The following HLA-F variants were observed in gnomAD, a reference collection of about 807,000 sequenced individuals.
The protein encoded by HLA-F is major histocompatibility complex, class I, F, also known as HLA class I histocompatibility antigen, alpha chain F.
Under a neutral mutation model 49.5 loss-of-function variants are expected in HLA-F, and 46 were observed. The observed-to-expected ratio is 0.93, with a 90% CI of 0.73 to 1.19. The LOEUF is 1.19. Among genes scored for constraint, HLA-F ranks in the 50% most tolerant of loss-of-function variants. The pLI is 0.00. For synonymous variants in HLA-F, 203 were observed against 233.5 expected (o/e 0.87, Z 1.19); for missense variants, 496 against 579.6 (o/e 0.86, Z 1.48).
At chr6:29,726,759 CAG>C (rs1776136330) in intron 6 of HLA-F, 122 bp from the exon 7 acceptor site, 1 of 1,230,280 alleles carries the variant, frequency 8.1e-7, no homozygotes, top group Non-Finnish European at 1.2e-6. Flanking sequence ...CAGACTGAAT[CAG>C]AGTGTTGACT....
At chr6:29,734,815 C>T (rs1427875855) in intron 3 of HLA-F, among the ~76,000 whole-genome samples, 2 of 152,140 alleles carry the variant, frequency 1.3e-5, no homozygotes, top group Non-Finnish European at 2.9e-5. Context: ...TAAGCAGTCA[C>T]CCTCCATTTC....
chr6:29,724,166 C>T lies in HLA-F; in HGVS notation c.335-7C>T, dbSNP rs754226812. ...GCTGGGCGGGGCTGACTGCGGGGAC[C>T]GGCTAGGGTCTCACACCCTCCAGGG... On this transcript the variant is annotated splice_region_variant and splice_polypyrimidine_tract_variant and intron_variant, in intron 2 of 6. Coordinates refer to ENST00000259951, the MANE Select transcript of HLA-F (RefSeq NM_001098479.2). 6 of 1,612,578 alleles carry T rather than the reference C, an allele frequency of 3.7e-6. No individual in the cohort carries two copies. The Admixed American group carries it at 5.0e-5, about 13-fold the overall frequency.
At chr6:29,734,184 C>T (rs543213274) in intron 3 of HLA-F, among the ~76,000 whole-genome samples, 80 of 152,284 alleles carry the variant, frequency 5.3e-4, no homozygotes, top group Middle Eastern at 3.4e-3. Flanking sequence ...CTCCTTCCTT[C>T]AGCTGGGGGA....
chr6:29,727,462 A>G (rs980237047), downstream of HLA-F, among the ~76,000 whole-genome samples: 3 of 152,090 alleles, frequency 2.0e-5, no homozygotes, highest in Non-Finnish European at 4.4e-5. Flanking sequence ...TTAGAATGGC[A>G]TTACCTGTTT....
chr6:29,737,517 A>G (rs186813240), intron 3 of HLA-F, among the ~76,000 whole-genome samples: 1,869 of 152,322 alleles, frequency 0.012, 18 homozygotes, highest in Admixed American at 0.022. Context: ...TATTTGAAGA[A>G]GAGAAGAGTT....
In HLA-F at chr6:29,724,170, T is replaced by C; in HGVS notation, c.335-3T>C. Reference sequence around the variant, plus strand: ...GGCGGGGCTGACTGCGGGGACCGGCTAGGGTCTCACACCCTCCAGGGAATG... The same window carrying C: ...GGCGGGGCTGACTGCGGGGACCGGCCAGGGTCTCACACCCTCCAGGGAATG... On this transcript the variant is annotated splice_region_variant and splice_polypyrimidine_tract_variant and intron_variant, in intron 2 of 6. Transcript: ENST00000259951. 1.9e-6 allele frequency: 3 copies of C among 1,612,742 alleles called. No individual in the cohort carries two copies. Among genetic ancestry groups the C allele is most frequent in the Non-Finnish European group, 2.5e-6 (3 of 1,179,880 alleles).
At chr6:29,736,576 T>C (rs1777117180) in intron 3 of HLA-F, 1 of 347,440 alleles carries the variant, frequency 2.9e-6, no homozygotes, top group East Asian at 8.5e-5. Flanking sequence ...CTCAGGTAAA[T>C]AGCAGCCACA....
At chr6:29,736,377 T>C in intron 3 of HLA-F, 1 of 453,226 alleles carries the variant, frequency 2.2e-6, no homozygotes, top group Non-Finnish European at 4.4e-6. Context: ...ATTTATTTCA[T>C]AGATTTTTAA....
intron 3 of HLA-F, among the ~76,000 whole-genome samples, chr6:29,732,722 A>G (rs1776731335): frequency 6.6e-6 from 1 of 152,122 alleles, no homozygotes; most frequent in East Asian, 1.9e-4. Flanking sequence ...TGCTGGGATT[A>G]TAGGCGTGAG....
In HLA-F at chr6:29,726,050, T is replaced by C. The variant is rs769777362; in HGVS notation, c.1036+7T>C. The C allele has an allele frequency of 6.2e-6, 10 of 1,612,996 alleles. No individual in the cohort carries two copies. Among genetic ancestry groups the C allele is most frequent in the Non-Finnish European group, 5.1e-6 (6 of 1,179,050 alleles). On this transcript the variant is annotated splice_region_variant and intron_variant, in intron 6 of 6. Transcript: ENST00000259951. ...AGCTACTCTCAGGCTGCAGGTAAGA[T>C]GAAGGAGGCTGATCCCTGAGATTGT... is the stretch of plus-strand genomic sequence containing the variant.
chr6:29,730,969 C>T (rs1352412091), downstream of HLA-F, among the ~76,000 whole-genome samples: 1 of 152,136 alleles, frequency 6.6e-6, no homozygotes, highest in Non-Finnish European at 1.5e-5. Context: ...CACCTGCTCC[C>T]CGGGGGTCCA....
rs1214306483 is a variant in HLA-F at position 29,725,128 on chromosome 6, G to C, written c.708G>C (p.Leu236=). The C allele has an allele frequency of 6.2e-7, 1 of 1,614,148 alleles. No individual in the cohort carries two copies. The highest frequency in any genetic ancestry group is 1.1e-5 in the South Asian group (1 of 91,078). ...GCTTCTACCCTGCGGAGATCACGCT[G>C]ACCTGGCAGCGGGATGGGGAGGAAC... The part of the protein sequence containing the change: ...ALGFYPAEIT[L]TWQRDGEEQT... The change falls in exon 4 of 7, where the codon CTG becomes CTC. Residue 236 remains leucine, a synonymous_variant. Coordinates refer to ENST00000259951, the MANE Select transcript of HLA-F (RefSeq NM_001098479.2).
chr6:29,734,311 G>A (rs1776880186), intron 3 of HLA-F, among the ~76,000 whole-genome samples: 1 of 152,164 alleles, frequency 6.6e-6, no homozygotes, highest in Non-Finnish European at 1.5e-5. Context: ...CTGGTAAGCA[G>A]GATCCTTTTT....
At position 29,725,047 on chromosome 6, in the gene HLA-F, C is replaced by T. The variant is rs1251009287; in HGVS notation, c.627C>T (p.His209=). The T allele has an allele frequency of 4.3e-6, 7 of 1,613,326 alleles. No individual in the cohort carries two copies. The East Asian group carries it at 6.7e-5, about 15-fold the overall frequency. ...TCTTCTCAGATCCTCCAAAGGCACA[C>T]GTTGCCCACCACCCCATCTCTGACC... ...TLQRADPPKA[H]VAHHPISDHE... The change falls in exon 4 of 7, where the codon CAC becomes CAT. Residue 209 remains histidine, a synonymous_variant. Transcript: ENST00000259951.
downstream of HLA-F, among the ~76,000 whole-genome samples, chr6:29,731,585 A>T (rs1776620338): frequency 2.0e-5 from 3 of 152,252 alleles, no homozygotes; most frequent in Admixed American, 2.0e-4. Context: ...CTGGGCCCCT[A>T]GGTGATTGGA....
downstream of HLA-F, among the ~76,000 whole-genome samples, chr6:29,730,105 T>C (rs1031478713): frequency 6.6e-6 from 1 of 152,176 alleles, no homozygotes; most frequent in Non-Finnish European, 1.5e-5. Context: ...ACACAGATAA[T>C]TGTACACTCA....
intron 3 of HLA-F, chr6:29,735,253 G>A (rs1018841829): frequency 4.1e-5 from 6 of 146,690 alleles, no homozygotes; most frequent in Non-Finnish European, 8.9e-5. Flanking sequence ...TTTATAGTAT[G>A]ACTACTATAT....
Position 29,725,582 on chromosome 6 carries a change from T to G in HLA-F, c.1003+19T>G, listed in dbSNP as rs750819237. On this transcript the variant is annotated intron_variant, in intron 5 of 6. Coordinates refer to ENST00000259951, the MANE Select transcript of HLA-F (RefSeq NM_001098479.2). ...AGCTCAGGTAGGAAGGGGTGAGGAG[T>G]GGAGTCTGAGTTTTCTTGTCCCACT... 3.1e-6 allele frequency: 5 copies of G among 1,602,710 alleles called. No individual in the cohort carries two copies. Among genetic ancestry groups the G allele is most frequent in the Non-Finnish European group, 4.3e-6 (5 of 1,170,652 alleles).
chr6:29,728,392 A>C (rs978258912), downstream of HLA-F: 22 of 306,022 alleles, frequency 7.2e-5, 1 homozygote, highest in South Asian at 4.8e-4. Flanking sequence ...TGCAGAAGTG[A>C]TGATATGTGC....
Sources: gnomAD v4.1 joint callset for allele counts (sites outside exome capture counted in the v4.1 genomes callset) on GRCh38, gnomAD v4.1.1 for gene constraint, MANE v1.5 for transcripts, NCBI Gene and HGNC (gene_info 2026-07-23, HGNC 2026-07-21) for gene names.